GRIK1: variants seen among roughly 807,000 people sequenced by gnomAD.
GRIK1 encodes the protein glutamate ionotropic receptor kainate type subunit 1, also known as glutamate receptor ionotropic, kainate 1.
In GRIK1, 69 loss-of-function variants were observed where a neutral mutation model predicts 105.7. That is an observed-to-expected ratio of 0.65 (90% confidence interval 0.54 to 0.80). The LOEUF (loss-of-function observed/expected upper bound fraction) is 0.80, where lower values mean the gene tolerates loss of function less well. GRIK1 is among the 30% of genes least tolerant of loss of function. The pLI is 0.00. For synonymous variants in GRIK1, 438 were observed against 431.3 expected, an observed-to-expected ratio of 1.02 and a Z score of -0.19; for missense variants, 1,109 against 1,167.3, an observed-to-expected ratio of 0.95 and a Z score of 0.73.
intron 1 of GRIK1, among the ~76,000 whole-genome samples, chr21:29,814,984 A>C (rs1201621086): frequency 6.6e-6 from 1 of 152,174 alleles, no homozygotes; most frequent in Non-Finnish European, 1.5e-5. Context: ...GGTGATAATC[A>C]TCACATCCAT....
At chr21:29,914,063 G>A (rs944014526) in intron 1 of GRIK1, among the ~76,000 whole-genome samples, 1 of 151,904 alleles carries the variant, frequency 6.6e-6, no homozygotes, top group Non-Finnish European at 1.5e-5. Context: ...TGATAGTTTA[G>A]GTAAAATAAT....
At chr21:29,738,515 G>C (rs2064851755) in intron 1 of GRIK1, among the ~76,000 whole-genome samples, 2 of 152,202 alleles carry the variant, frequency 1.3e-5, no homozygotes, top group Admixed American at 1.3e-4. Flanking sequence ...ACTTGAAAGG[G>C]TAAAAGCAGA....
At chr21:29,778,046 A>G (rs989182774) in intron 1 of GRIK1, among the ~76,000 whole-genome samples, 2 of 152,166 alleles carry the variant, frequency 1.3e-5, no homozygotes, top group African/African-American at 2.4e-5. Context: ...AAGAATAAAA[A>G]CGTATCTGAA....
intron 16 of GRIK1, among the ~76,000 whole-genome samples, chr21:29,545,031 A>G (rs2090029135): frequency 6.6e-6 from 1 of 152,244 alleles, no homozygotes; most frequent in South Asian, 2.1e-4. Context: ...GAGAAGTGTC[A>G]GTGGGGTATG....
At chr21:29,794,832 A>G (rs991997894) in intron 1 of GRIK1, among the ~76,000 whole-genome samples, 1 of 152,054 alleles carries the variant, frequency 6.6e-6, no homozygotes, top group East Asian at 1.9e-4. Context: ...AGAGACAACT[A>G]GTGAAAGAGG....
At chr21:29,689,687 G>A (rs199621545) in intron 3 of GRIK1, 41 bp downstream of exon 3, 376 of 1,591,082 alleles carry the variant, frequency 2.4e-4, no homozygotes, top group Admixed American at 1.0e-3. Flanking sequence ...TGTTTGTTCA[G>A]AGCAGACATG....
chr21:29,905,104 C>T (rs991556207), intron 1 of GRIK1, among the ~76,000 whole-genome samples: 6 of 152,198 alleles, frequency 3.9e-5, no homozygotes, highest in Non-Finnish European at 8.8e-5. Flanking sequence ...TTTAAACCAA[C>T]TCATTTTAAA....
intron 1 of GRIK1, among the ~76,000 whole-genome samples, chr21:29,921,751 T>A (rs1282688233): frequency 6.6e-6 from 1 of 152,194 alleles, no homozygotes; most frequent in Non-Finnish European, 1.5e-5. Context: ...CACTTTAATA[T>A]TGCTATACAA....
intron 3 of GRIK1, among the ~76,000 whole-genome samples, chr21:29,681,170 A>T (rs963477287): frequency 1.3e-5 from 2 of 152,194 alleles, no homozygotes; most frequent in Non-Finnish European, 2.9e-5. Context: ...CATAGTACAT[A>T]TAGGGTTCAG....
At chr21:29,599,569 A>C (rs2146323348) in intron 7 of GRIK1, among the ~76,000 whole-genome samples, 1 of 152,234 alleles carries the variant, frequency 6.6e-6, no homozygotes, top group South Asian at 2.1e-4. Context: ...CTCTCTCTGG[A>C]GGCTCGAGGG....
At chr21:29,878,006 G>A (rs922791656) in intron 1 of GRIK1, among the ~76,000 whole-genome samples, 2 of 152,144 alleles carry the variant, frequency 1.3e-5, no homozygotes, top group African/African-American at 4.8e-5. Context: ...ATGCCTAGGA[G>A]GCACTATGGG....
rs556145496 is a variant in GRIK1, at chr21:29,796,016, G to C, written c.119-101953C>G. 5.3e-5 allele frequency among the ~76,000 whole-genome samples: 8 copies of C among 152,238 alleles called. No homozygotes were observed. The South Asian group carries it at 1.7e-3, about 32-fold the overall frequency. Reference sequence around the variant, plus strand: ...TTTGTACATTATCACCCTTAAGATGGACACAATTTGTTTATGTTTCTAATT... The same window carrying C: ...TTTGTACATTATCACCCTTAAGATGCACACAATTTGTTTATGTTTCTAATT... On this transcript the variant is annotated intron_variant, in intron 1 of 17. Transcript: ENST00000327783.
At position 29,907,427 on chromosome 21, in the gene GRIK1, T is replaced by C. The variant is rs117814927; in HGVS notation, c.118+31956A>G. Among the ~76,000 whole-genome samples the C allele has an allele frequency of 3.3e-5, 5 of 152,244 alleles. No individual in the cohort carries two copies. The East Asian group carries it at 9.6e-4, about 29-fold the overall frequency. On this transcript the variant is annotated intron_variant, in intron 1 of 17. Transcript: ENST00000327783. Reference sequence around the variant, plus strand: ...ACATAATAATTAGATGCTTAATATATTCAAAGAGGTGACAGACGTGTCCCC... The same window carrying C: ...ACATAATAATTAGATGCTTAATATACTCAAAGAGGTGACAGACGTGTCCCC...
intron 3 of GRIK1, among the ~76,000 whole-genome samples, chr21:29,689,299 T>A (rs983528910): frequency 1.3e-5 from 2 of 152,228 alleles, no homozygotes; most frequent in African/African-American, 2.4e-5. Context: ...TGGTACAACC[T>A]CTAAATGAAT....
intron 7 of GRIK1, among the ~76,000 whole-genome samples, chr21:29,632,952 C>T (rs1162345054): frequency 6.6e-6 from 1 of 152,152 alleles, no homozygotes; most frequent in African/African-American, 2.4e-5. Flanking sequence ...AGGCTTTTGT[C>T]TCCTTGAAAA....
intron 5 of GRIK1, among the ~76,000 whole-genome samples, chr21:29,654,579 T>C (rs973796991): frequency 4.0e-5 from 6 of 151,706 alleles, no homozygotes; most frequent in Non-Finnish European, 5.9e-5. Flanking sequence ...TGAATGCACA[T>C]GCATTGATAC....
chr21:29,544,202 T>C (rs908111491), intron 16 of GRIK1, among the ~76,000 whole-genome samples: 2 of 152,216 alleles, frequency 1.3e-5, no homozygotes, highest in Non-Finnish European at 2.9e-5. Context: ...CTCCTGTTGT[T>C]CATCTTTATT....
intron 1 of GRIK1, among the ~76,000 whole-genome samples, chr21:29,915,535 G>A (rs1220036701): frequency 6.6e-6 from 1 of 151,952 alleles, no homozygotes; most frequent in Admixed American, 6.6e-5. Flanking sequence ...TCACAGGAAG[G>A]GAACAATTTC....
At chr21:29,622,139 G>A (rs1413566164) in intron 7 of GRIK1, among the ~76,000 whole-genome samples, 1 of 151,770 alleles carries the variant, frequency 6.6e-6, no homozygotes, top group East Asian at 1.9e-4. Context: ...TAGAGAAGGG[G>A]TTTCATCATA....
Sources: gnomAD v4.1 joint callset for allele counts (sites outside exome capture counted in the v4.1 genomes callset) on GRCh38, gnomAD v4.1.1 for gene constraint, MANE v1.5 for transcripts, NCBI Gene and HGNC (gene_info 2026-07-23, HGNC 2026-07-21) for gene names.